The following ARID1B variants were observed in gnomAD, a reference collection of about 807,000 sequenced individuals.
The protein encoded by ARID1B is AT-rich interactive domain-containing protein 1B.
In ARID1B, 30 loss-of-function variants were observed where a neutral mutation model predicts 212.3. The ratio of observed to expected loss-of-function variants is 0.14; its 90% CI spans 0.11 to 0.19. The LOEUF is 0.19. ARID1B is among the 10% of genes least tolerant of loss of function. The pLI is 1.00. For missense variants in ARID1B, 2,891 were observed against 3,204.0 expected (o/e 0.90, Z 2.36); for synonymous variants, 1,402 against 1,301.7 (o/e 1.08, Z -1.66).
At chr6:157,122,764 T>C (rs967231277) in intron 6 of ARID1B, among the ~76,000 whole-genome samples, 5 of 152,146 alleles carry the variant, frequency 3.3e-5, no homozygotes, top group Non-Finnish European at 7.4e-5. Flanking sequence ...CTGCAACCTC[T>C]GCCTCCCAGG....
At chr6:157,066,713 G>A (rs946697219) in intron 4 of ARID1B, among the ~76,000 whole-genome samples, 2 of 152,076 alleles carry the variant, frequency 1.3e-5, no homozygotes, top group Admixed American at 1.3e-4. Context: ...TATTGCAGTG[G>A]GAGAGATTTC....
At chr6:156,967,924 G>T (rs1794883932) in intron 4 of ARID1B, among the ~76,000 whole-genome samples, 1 of 152,276 alleles carries the variant, frequency 6.6e-6, no homozygotes, top group South Asian at 2.1e-4. Flanking sequence ...GTGAATTTTT[G>T]TCATTGATAT....
rs1793919275 is a variant in ARID1B, at chr6:157,198,841, C to G, written c.4413C>G (p.Gly1471=). 1 of 1,611,956 alleles carries G rather than the reference C, an allele frequency of 6.2e-7. No individual in the cohort carries two copies. Among genetic ancestry groups the G allele is most frequent in the Non-Finnish European group, 8.5e-7 (1 of 1,179,268 alleles). Residue 1471 remains glycine (G), a synonymous_variant, in exon 17 of 20, where the codon GGC becomes GGG. Coordinates refer to ENST00000636930, the MANE Select transcript of ARID1B (RefSeq NM_001374828.1). The part of the protein sequence containing the change: ...RHEPYGQQYP[G]QGPPSGQPPY... ...AACCTTATGGGCAGCAGTATCCAGG[C>G]CAAGGCCCTCCCTCGGGACAGCCGC... is the stretch of plus-strand genomic sequence containing the variant.
intron 3 of ARID1B, among the ~76,000 whole-genome samples, chr6:156,921,375 C>CAAATGG (rs1280179129): frequency 2.0e-5 from 3 of 149,612 alleles, no homozygotes; most frequent in Non-Finnish European, 4.4e-5. Context: ...TGTTTTTTCC[C>CAAATGG]AAATGGAAAT....
At chr6:157,198,745 T>G in intron 16 of ARID1B, 66 bp from the exon 17 acceptor site, 4 of 1,341,238 alleles carry the variant, frequency 3.0e-6, no homozygotes, top group Non-Finnish European at 3.1e-6. Context: ...CAGAAATGGA[T>G]TGTTTATTTC....
intron 4 of ARID1B, among the ~76,000 whole-genome samples, chr6:156,949,272 G>A (rs1221959953): frequency 4.1e-5 from 6 of 145,810 alleles, no homozygotes; most frequent in Non-Finnish European, 9.3e-5. Flanking sequence ...TGTTTTAGGG[G>A]TATCAGATAT....
chr6:156,784,587 A>G (rs1291557344), intron 1 of ARID1B, among the ~76,000 whole-genome samples: 2 of 152,222 alleles, frequency 1.3e-5, no homozygotes, highest in Admixed American at 1.3e-4. Flanking sequence ...TGACATCTGA[A>G]TGAATGGAAT....
intron 1 of ARID1B, among the ~76,000 whole-genome samples, chr6:156,812,992 G>T (rs62435785): frequency 1.5e-4 from 21 of 135,708 alleles, no homozygotes; most frequent in Non-Finnish European, 6.2e-5. Context: ...ATATACATAC[G>T]TATGTATATA....
intron 1 of ARID1B, among the ~76,000 whole-genome samples, chr6:156,799,997 A>G (rs1395945325): frequency 6.6e-6 from 1 of 151,270 alleles, no homozygotes; most frequent in Non-Finnish European, 1.5e-5. Context: ...CCTCACCCCC[A>G]CCCCTGCCAT....
In ARID1B at chr6:157,201,646, G is replaced by A. The variant is rs1794125760; in HGVS notation, c.5263+158G>A. Among the ~76,000 whole-genome samples the A allele has an allele frequency of 1.3e-5, 2 of 152,180 alleles. No individual in the cohort carries two copies. The highest frequency in any genetic ancestry group is 4.8e-5 in the African/African-American group (2 of 41,424). On this transcript the variant is annotated intron_variant, in intron 18 of 19. Coordinates refer to ENST00000636930, the MANE Select transcript of ARID1B (RefSeq NM_001374828.1). This position sits in a 1 kb window ranked among gnomAD's most constrained non-coding sequence, Gnocchi z 5.2. ...TTTATATAGGAGTAATATAGTTGGA[G>A]GCTGCTAATCTGAATTAAGAAATAG...
intron 4 of ARID1B, among the ~76,000 whole-genome samples, chr6:156,993,800 C>A (rs1778415698): frequency 6.6e-6 from 1 of 152,130 alleles, no homozygotes; most frequent in South Asian, 2.1e-4. Flanking sequence ...GCTGTTAACT[C>A]TTAAATTTCT....
chr6:156,849,913 G>A (rs931398711), intron 2 of ARID1B, among the ~76,000 whole-genome samples: 1 of 151,464 alleles, frequency 6.6e-6, no homozygotes, highest in Admixed American at 6.6e-5. Context: ...TTTTGACACC[G>A]GGCTTTCTGA....
intron 1 of ARID1B, among the ~76,000 whole-genome samples, chr6:156,780,692 C>T (rs1236925867): frequency 6.6e-6 from 1 of 152,142 alleles, no homozygotes; most frequent in Non-Finnish European, 1.5e-5. Context: ...GTATTTAAAG[C>T]TGAAACTATT....
intron 4 of ARID1B, among the ~76,000 whole-genome samples, chr6:156,954,568 T>C (rs1793818951): frequency 6.6e-6 from 1 of 152,228 alleles, no homozygotes; most frequent in South Asian, 2.1e-4. Flanking sequence ...TTTTAATGTC[T>C]TGTGATACAG....
chr6:156,911,506 GTCCT>G (rs537313466), intron 3 of ARID1B, among the ~76,000 whole-genome samples: 74 of 151,926 alleles, frequency 4.9e-4, no homozygotes, highest in Middle Eastern at 3.2e-3. Context: ...GCATTTCTGT[GTCCT>G]TGTGACAACT....
At chr6:157,084,141 C>CA (rs1784810883) in intron 4 of ARID1B, among the ~76,000 whole-genome samples, 1 of 148,718 alleles carries the variant, frequency 6.7e-6, no homozygotes, top group African/African-American at 2.5e-5. Context: ...TCACCTCCCC[C>CA]CCAAAAAAAA....
intron 1 of ARID1B, among the ~76,000 whole-genome samples, chr6:156,813,691 C>A (rs1214824809): frequency 3.3e-5 from 5 of 152,080 alleles, no homozygotes; most frequent in African/African-American, 7.2e-5. Flanking sequence ...TTTGTCGAAC[C>A]CTGTTCTCCA....
chr6:156,870,036 A>C (rs1281081970), intron 2 of ARID1B: 1 of 152,296 alleles, frequency 6.6e-6, no homozygotes, highest in African/African-American at 2.4e-5. Context: ...GAGGGCAAGC[A>C]GTTGAGAGGC....
chr6:156,925,843 G>C (rs79057191), intron 3 of ARID1B, among the ~76,000 whole-genome samples: 3 of 152,146 alleles, frequency 2.0e-5, no homozygotes, highest in Non-Finnish European at 4.4e-5. Context: ...ACATGCAAGA[G>C]ACCCATTCCA....
Sources: gnomAD v4.1 joint callset for allele counts (sites outside exome capture counted in the v4.1 genomes callset) on GRCh38, gnomAD v4.1.1 for gene constraint, Gnocchi (gnomAD v3.1) non-coding constraint, MANE v1.5 for transcripts, NCBI Gene and HGNC (gene_info 2026-07-23, HGNC 2026-07-21) for gene names.